The following EFHC2 variants were observed in gnomAD, a reference collection of about 807,000 sequenced individuals.
The protein encoded by EFHC2 is EF-hand domain containing 2.
Under a neutral mutation model 52.7 loss-of-function variants are expected in EFHC2, and 18 were observed. That is an observed-to-expected ratio of 0.34 (90% CI 0.24 to 0.51). The LOEUF (loss-of-function observed/expected upper bound fraction) is 0.51. Ranked by LOEUF, EFHC2 falls within the 20% of genes least tolerant of loss-of-function variation. EFHC2 has a pLI of 0.97. For synonymous variants in EFHC2, 203 were observed against 204.1 expected (o/e 0.99, Z 0.04); for missense variants, 513 against 562.5 (o/e 0.91, Z 0.89).
Position 44,258,406 on chromosome X carries a change from A to G in EFHC2, c.606+2669T>C, listed in dbSNP as rs368776630. On this transcript the variant is annotated intron_variant, in intron 4 of 14. Coordinates refer to ENST00000420999, the MANE Select transcript of EFHC2 (RefSeq NM_025184.4). ...TCCAACTGACAAAGGGCTAATATCCAGAATCTACAAGGAACTTAAACAAAT... is the reference window on the plus strand; with the variant it reads ...TCCAACTGACAAAGGGCTAATATCCGGAATCTACAAGGAACTTAAACAAAT... Among the ~76,000 whole-genome samples, 79 of 109,506 alleles carry G rather than the reference A, an allele frequency of 7.2e-4. No homozygotes were observed. In the East Asian group the frequency reaches 0.014, roughly 19 times the overall value.
rs1219170379 is a variant in EFHC2, at chrX:44,148,024, G to A, written c.*771C>T. ...ACCTCTAGGGTGGGGCGCGTGGGATGTGTGTGTAAAACAAACCAAAAAAAA... is the reference window on the plus strand; with the variant it reads ...ACCTCTAGGGTGGGGCGCGTGGGATATGTGTGTAAAACAAACCAAAAAAAA... On this transcript the variant is annotated 3_prime_UTR_variant, in exon 15 of 15. Coordinates refer to ENST00000420999, the MANE Select transcript of EFHC2 (RefSeq NM_025184.4). 1 of 109,999 alleles carries A rather than the reference G, an allele frequency of 9.1e-6. No individual in the cohort carries two copies. The highest frequency in any genetic ancestry group is 1.9e-5 in the Non-Finnish European group (1 of 52,773). 9.1% of individuals were successfully genotyped at this position (109,999 alleles called of 1,213,427 possible).
At chrX:44,266,405 C>T (rs1395725674) in intron 3 of EFHC2, among the ~76,000 whole-genome samples, 4 of 105,362 alleles carry the variant, frequency 3.8e-5, no homozygotes, top group Non-Finnish European at 7.8e-5. Context: ...GGTGTGATCT[C>T]GGCTCACTGC....
chrX:44,178,568 T>C lies in EFHC2; in HGVS notation c.1752-4A>G. 1 of 1,160,257 alleles carries C rather than the reference T, an allele frequency of 8.6e-7. No individual in the cohort carries two copies. Among genetic ancestry groups the C allele is most frequent in the Non-Finnish European group, 1.1e-6 (1 of 870,356 alleles). ...AGTCAAAGACATCAATATGTCTCTGTAATAAAAATGGAAAAACATTTATAA... is the reference window on the plus strand; with the variant it reads ...AGTCAAAGACATCAATATGTCTCTGCAATAAAAATGGAAAAACATTTATAA... On this transcript the variant is annotated splice_polypyrimidine_tract_variant and splice_region_variant and intron_variant, in intron 11 of 14. Transcript: ENST00000420999.
Position 44,148,839 on chromosome X carries a change from A to G in EFHC2, c.2206T>C (p.Tyr736His), listed in dbSNP as rs745349172. Residue 736 changes from tyrosine to histidine, a missense_variant, in exon 15 of 15, where the codon TAC (tyrosine) becomes CAC (histidine). By Grantham distance (83) the Tyr-to-His change is moderately conservative. Transcript: ENST00000420999. The part of the protein sequence containing the change: ...PSPIPAKYID[Y>H]WTFLKDAFGL... Reference sequence around the variant, plus strand: ...AACGCGTCCTTCAAAAAGGTCCAGTAGTCAATGTATTTCGCAGGAATAGGT... The same window carrying G: ...AACGCGTCCTTCAAAAAGGTCCAGTGGTCAATGTATTTCGCAGGAATAGGT... 5.0e-6 allele frequency: 6 copies of G among 1,188,464 alleles called. No individual in the cohort carries two copies. In the South Asian group the frequency reaches 9.3e-5, roughly 19 times the overall value.
intron 14 of EFHC2, among the ~76,000 whole-genome samples, chrX:44,150,579 C>T (rs1001126196): frequency 1.8e-5 from 2 of 111,614 alleles, no homozygotes; most frequent in Non-Finnish European, 3.8e-5. Context: ...AGCTAACTTG[C>T]TGGATGTACA....
intron 11 of EFHC2, among the ~76,000 whole-genome samples, chrX:44,212,173 C>T (rs955073553): frequency 9.1e-6 from 1 of 110,380 alleles, no homozygotes; most frequent in African/African-American, 3.3e-5. Context: ...TGCTTAAGCC[C>T]AGGAGTTTGA....
intron 8 of EFHC2, among the ~76,000 whole-genome samples, chrX:44,235,710 A>T (rs1041771063): frequency 2.4e-4 from 27 of 112,510 alleles, no homozygotes; most frequent in African/African-American, 7.7e-4. Flanking sequence ...TCATAAACAC[A>T]CTGTTCAAAC....
chrX:44,276,692 G>A (rs1400447400), intron 2 of EFHC2, among the ~76,000 whole-genome samples: 1 of 111,897 alleles, frequency 8.9e-6, no homozygotes. Flanking sequence ...TATTTGCTTA[G>A]CATTGCATAT....
At chrX:44,263,880 G>C (rs963756040) in intron 3 of EFHC2, among the ~76,000 whole-genome samples, 5 of 111,445 alleles carry the variant, frequency 4.5e-5, no homozygotes, top group African/African-American at 9.8e-5. Context: ...GATGATTTTT[G>C]TTCCATAAGA....
intron 11 of EFHC2, among the ~76,000 whole-genome samples, chrX:44,207,284 G>A (rs1175724875): frequency 8.9e-6 from 1 of 111,774 alleles, no homozygotes; most frequent in Admixed American, 9.5e-5. Context: ...GGCAGAGGTG[G>A]GCAGATCACC....
rs59485944 is a variant in EFHC2 at position 44,160,791 on chromosome X, G to A, written c.2148+3131C>T. On this transcript the variant is annotated intron_variant, in intron 14 of 14. Transcript: ENST00000420999. ...AAAAAAATTAGTCAGGCATGGTGGC[G>A]TGTGCCTATAGTCCCAGCTACTCAG... Among the ~76,000 whole-genome samples the A allele has an allele frequency of 6.7e-4, 74 of 110,881 alleles. No homozygotes were observed. The East Asian group carries it at 0.015, about 22-fold the overall frequency.
intron 4 of EFHC2, among the ~76,000 whole-genome samples, chrX:44,252,283 T>C (rs770069538): frequency 8.9e-6 from 1 of 111,762 alleles, no homozygotes; most frequent in African/African-American, 3.2e-5. Context: ...TGTAACCAAA[T>C]AGGACTGTTA....
intron 11 of EFHC2, among the ~76,000 whole-genome samples, chrX:44,220,363 G>A (rs1362330093): frequency 9.0e-6 from 1 of 111,626 alleles, no homozygotes; most frequent in African/African-American, 3.3e-5. Flanking sequence ...GAGTGTAAAT[G>A]ATATGTATTT....
At chrX:44,219,339 A>C (rs2037177187) in intron 11 of EFHC2, among the ~76,000 whole-genome samples, 1 of 111,236 alleles carries the variant, frequency 9.0e-6, no homozygotes, top group African/African-American at 3.3e-5. Context: ...GCAAATGTAT[A>C]AAGTTTGTGC....
At chrX:44,165,362 G>A (rs992464933) in intron 13 of EFHC2, among the ~76,000 whole-genome samples, 2 of 111,420 alleles carry the variant, frequency 1.8e-5, no homozygotes, top group Admixed American at 9.6e-5. Flanking sequence ...ATTTTCTTTG[G>A]CCAAGGATTC....
intron 13 of EFHC2, among the ~76,000 whole-genome samples, chrX:44,167,320 C>G (rs1294927948): frequency 8.9e-6 from 1 of 112,039 alleles, no homozygotes; most frequent in African/African-American, 3.2e-5. Flanking sequence ...TTATCTGAGT[C>G]CCTATGCCTG....
At chrX:44,218,054 G>A (rs1206376100) in intron 11 of EFHC2, among the ~76,000 whole-genome samples, 2 of 111,052 alleles carry the variant, frequency 1.8e-5, no homozygotes, top group African/African-American at 6.5e-5. Context: ...GAAGAAGAAG[G>A]GTCAAGTTCA....
chrX:44,282,880 C>T (rs1001955229), intron 2 of EFHC2, among the ~76,000 whole-genome samples: 1 of 109,475 alleles, frequency 9.1e-6, no homozygotes, highest in Non-Finnish European at 1.9e-5. Context: ...TGAGAAGAGG[C>T]GTGGTAAAGG....
intron 14 of EFHC2, among the ~76,000 whole-genome samples, chrX:44,155,884 G>A: frequency 8.9e-6 from 1 of 112,410 alleles, no homozygotes; most frequent in Non-Finnish European, 1.9e-5. Flanking sequence ...ATAATCAAGA[G>A]CGTTCTGATA....
Sources: allele counts gnomAD v4.1 joint callset (sites outside exome capture counted in the v4.1 genomes callset), GRCh38; gene constraint gnomAD v4.1.1; transcripts MANE v1.5; gene names NCBI Gene and HGNC (gene_info 2026-07-23, HGNC 2026-07-21).